Variants in EXOC2 observed in about 807,000 individuals in gnomAD.
EXOC2 encodes SEC5-like 1.
Under a neutral mutation model 131.8 loss-of-function variants are expected in EXOC2, and 70 were observed. That is an observed-to-expected ratio of 0.53 (90% CI 0.44 to 0.65). EXOC2 has a LOEUF of 0.65. Ranked by LOEUF, EXOC2 falls within the 30% of genes least tolerant of loss-of-function variation. The pLI, the probability that EXOC2 is intolerant of heterozygous loss-of-function variation, is 0.00. For synonymous variants in EXOC2, 411 were observed against 398.4 expected (o/e 1.03, Z -0.38); for missense variants, 923 against 1,108.6 (o/e 0.83, Z 2.38).
chr6:641,688 G>A (rs1320941294), intron 1 of EXOC2, among the ~76,000 whole-genome samples: 1 of 151,980 alleles, frequency 6.6e-6, no homozygotes, highest in Non-Finnish European at 1.5e-5. Flanking sequence ...CCTTCCCTCT[G>A]GCACCCCCTG....
chr6:683,499 C>A (rs945236368), intron 1 of EXOC2, among the ~76,000 whole-genome samples: 9 of 152,190 alleles, frequency 5.9e-5, no homozygotes, highest in Non-Finnish European at 1.3e-4. Flanking sequence ...ACCAATATCA[C>A]CGCTGACAAA....
chr6:691,901 C>T (rs1017545195), intron 1 of EXOC2, among the ~76,000 whole-genome samples: 2 of 152,210 alleles, frequency 1.3e-5, no homozygotes, highest in African/African-American at 4.8e-5. Context: ...GTACTAAGCA[C>T]ACATCACCCT....
In EXOC2 at chr6:574,050, G is replaced by A. The variant is rs531342110; in HGVS notation, c.1319-1406C>T. 8.5e-5 allele frequency among the ~76,000 whole-genome samples: 13 copies of A among 152,234 alleles called. No homozygotes were observed. The East Asian group carries it at 2.1e-3, about 25-fold the overall frequency. ...GAGTTCTTCTGTATTCAAACGTAAGGCAAAGGCTTCCTCTTTTTCTCCCCA... is the reference window on the plus strand; with the variant it reads ...GAGTTCTTCTGTATTCAAACGTAAGACAAAGGCTTCCTCTTTTTCTCCCCA... On this transcript the variant is annotated intron_variant, in intron 12 of 27. Coordinates refer to ENST00000230449, the MANE Select transcript of EXOC2 (RefSeq NM_018303.6).
chr6:578,891 T>C (rs959711027), intron 11 of EXOC2, among the ~76,000 whole-genome samples: 1 of 152,158 alleles, frequency 6.6e-6, no homozygotes, highest in Non-Finnish European at 1.5e-5. Flanking sequence ...GTTTATACAG[T>C]TGTCACTTCT....
intron 21 of EXOC2, among the ~76,000 whole-genome samples, chr6:551,411 CAAAA>C (rs1403039093): frequency 6.6e-6 from 1 of 152,126 alleles, no homozygotes; most frequent in Non-Finnish European, 1.5e-5. Flanking sequence ...AATTTGGTCA[CAAAA>C]AAACACTGGA....
chr6:624,304 C>G (rs1376653112), intron 4 of EXOC2, among the ~76,000 whole-genome samples: 3 of 152,194 alleles, frequency 2.0e-5, no homozygotes, highest in Non-Finnish European at 4.4e-5. Context: ...TGGGTTCAAT[C>G]TCGATGTTTG....
rs1313426663 is a variant in EXOC2, at chr6:660,273, C to T, written c.-43-22412G>A. On this transcript the variant is annotated intron_variant, in intron 1 of 27. Coordinates refer to ENST00000230449, the MANE Select transcript of EXOC2 (RefSeq NM_018303.6). ...TTCTAGGGCCCCGCCCACTGCCAGTCCCTCTCCACACTACTACAGCTGATG... is the reference window on the plus strand; with the variant it reads ...TTCTAGGGCCCCGCCCACTGCCAGTTCCTCTCCACACTACTACAGCTGATG... Among the ~76,000 whole-genome samples, 3 of 151,512 alleles carry T rather than the reference C, an allele frequency of 2.0e-5. No individual in the cohort carries two copies. The East Asian group carries it at 5.8e-4, about 29-fold the overall frequency.
chr6:592,649 C>T (rs529757024), intron 10 of EXOC2, 62 bp from the exon 11 acceptor site: 1 of 1,297,106 alleles, frequency 7.7e-7, no homozygotes, highest in East Asian at 2.3e-5. Context: ...AAAATCATTA[C>T]TTTTTAAAGG....
chr6:502,071 AG>A (rs1338277009), intron 23 of EXOC2, among the ~76,000 whole-genome samples: 2 of 152,112 alleles, frequency 1.3e-5, no homozygotes, highest in Non-Finnish European at 2.9e-5. Flanking sequence ...AGCCCCACCC[AG>A]GGGCGGAGAT....
chr6:643,145 TA>T (rs1762429642), intron 1 of EXOC2, among the ~76,000 whole-genome samples: 2 of 152,132 alleles, frequency 1.3e-5, no homozygotes, highest in African/African-American at 4.8e-5. Context: ...TAGGGAGAGA[TA>T]AATACACAAT....
chr6:493,925 G>A (rs1375158809), intron 25 of EXOC2, among the ~76,000 whole-genome samples: 2 of 152,230 alleles, frequency 1.3e-5, no homozygotes, highest in Non-Finnish European at 2.9e-5. Flanking sequence ...GGTTTTGAGA[G>A]TGGTTTAGCC....
intron 11 of EXOC2, among the ~76,000 whole-genome samples, chr6:583,293 G>C (rs1759016322): frequency 2.0e-5 from 3 of 152,120 alleles, no homozygotes; most frequent in Admixed American, 2.0e-4. Flanking sequence ...ATGAAGGATG[G>C]GGACAAGTTT....
At chr6:528,371 G>T (rs1271216574) in intron 23 of EXOC2, among the ~76,000 whole-genome samples, 1 of 152,174 alleles carries the variant, frequency 6.6e-6, no homozygotes, top group Non-Finnish European at 1.5e-5. Context: ...TATTTTGGAA[G>T]ATTAATAGTC....
At chr6:655,850 G>A (rs1211942796) in intron 1 of EXOC2, 4 of 306,558 alleles carry the variant, frequency 1.3e-5, no homozygotes, top group African/African-American at 2.2e-5. Flanking sequence ...TTTCCCCCCC[G>A]AAAAAAAGAG....
intron 1 of EXOC2, among the ~76,000 whole-genome samples, chr6:655,292 A>G (rs1258186395): frequency 6.6e-6 from 1 of 152,264 alleles, no homozygotes; most frequent in East Asian, 1.9e-4. Context: ...GATGAGCAGC[A>G]GCATTTTTTA....
chr6:489,458 T>C (rs1763294006), intron 26 of EXOC2, among the ~76,000 whole-genome samples: 1 of 152,236 alleles, frequency 6.6e-6, no homozygotes, highest in South Asian at 2.1e-4. Flanking sequence ...GTATTTGGCC[T>C]GCACAGGGCC....
chr6:650,363 G>A (rs989796251), intron 1 of EXOC2, among the ~76,000 whole-genome samples: 13 of 152,228 alleles, frequency 8.5e-5, no homozygotes, highest in African/African-American at 3.1e-4. Context: ...GTTCCTAGGA[G>A]AGTCCTTTAC....
rs374410173 is a variant in EXOC2, at chr6:495,280, C to T, written c.2559+2087G>A. Among the ~76,000 whole-genome samples the T allele has an allele frequency of 4.6e-3, 693 of 151,944 alleles. 8 individuals carry two copies. The highest frequency in any genetic ancestry group is 0.017 in the Middle Eastern group (5 of 294). ...AGCTGGGACTACAGGCGCCCGCCAC[C>T]GCGCCCGGCTAATTTTTTGTATTTT... is the stretch of plus-strand genomic sequence containing the variant. On this transcript the variant is annotated intron_variant, in intron 25 of 27. Transcript: ENST00000230449.
chr6:686,571 G>C (rs1764665669), intron 1 of EXOC2, among the ~76,000 whole-genome samples: 1 of 152,172 alleles, frequency 6.6e-6, no homozygotes, highest in Admixed American at 6.5e-5. Flanking sequence ...GGGAATGCCT[G>C]ACAACTTAGC....
Sources: gnomAD v4.1 joint callset for allele counts (sites outside exome capture counted in the v4.1 genomes callset) on GRCh38, gnomAD v4.1.1 for gene constraint, MANE v1.5 for transcripts, NCBI Gene and HGNC (gene_info 2026-07-23, HGNC 2026-07-21) for gene names.